Variants in ADCY5 observed in about 807,000 individuals in gnomAD.
ADCY5 encodes the protein adenylate cyclase 5.
A neutral mutation model predicts 119.7 loss-of-function variants in ADCY5; 30 were observed. The ratio of observed to expected loss-of-function variants is 0.25; its 90% CI spans 0.19 to 0.34. The LOEUF (loss-of-function observed/expected upper bound fraction) is 0.34. ADCY5 is among the 10% of genes least tolerant of loss of function. The pLI is 1.00. For missense variants in ADCY5, 1,324 were observed against 1,775.2 expected, an observed-to-expected ratio of 0.75 and a Z score of 4.57; for synonymous variants, 753 against 762.2, an observed-to-expected ratio of 0.99 and a Z score of 0.20.
Position 123,448,528 on chromosome 3 carries a change from G to C in ADCY5, c.18C>G (p.Ser6Arg), listed in dbSNP as rs1474680093. ...GCGCCGCGTAGCCCGGGGGGCTCAC[G>C]CTTTTGGAGCCGGACATCCCCCCCT... MSGSKSVSPPGYAAQK... is the reference protein window; with the variant it reads MSGSKRVSPPGYAAQK... Residue 6 changes from serine to arginine, a missense_variant, in exon 1 of 21, where the codon AGC (serine) becomes AGG (arginine). Around this residue, in one of 6 missense-constraint regions of ADCY5, gnomAD observed 585 missense variants for 569.9 expected, o/e 1.03. Transcript: ENST00000462833. 2.4e-6 allele frequency: 3 copies of C among 1,265,892 alleles called. No individual in the cohort carries two copies. 78.4% of individuals were successfully genotyped at this position (1,265,892 alleles called of 1,614,324 possible). A position where few individuals can be genotyped will look rare whatever the true frequency, so the allele number is the denominator to read the frequency against.
In ADCY5 at chr3:123,448,207, G is replaced by A. The variant is rs1050723826; in HGVS notation, c.339C>T (p.Arg113=). 1.3e-5 allele frequency: 16 copies of A among 1,275,312 alleles called. No individual in the cohort carries two copies. The highest frequency in any genetic ancestry group is 1.5e-5 in the Non-Finnish European group (15 of 1,013,358). The allele number at this position is 1,275,312 out of a possible 1,614,324, so 79.0% of individuals were successfully genotyped here. A position where few individuals can be genotyped will look rare whatever the true frequency, so the allele number is the denominator to read the frequency against. The stretch of plus-strand genomic sequence containing the variant: ...CGCCCCGCCGCTGCCGGCGGCTGCC[G>A]CGACCGCAGTCGTCGCCGCCGCGCT... The part of the protein sequence containing the change: ...WQERGGDDCG[R]GSRRQRRGAA... Residue 113 remains arginine (R), a synonymous_variant, in exon 1 of 21, where the codon CGC becomes CGT. Transcript: ENST00000462833.
chr3:123,445,452 A>G (rs1011314022), intron 1 of ADCY5, among the ~76,000 whole-genome samples: 1 of 150,492 alleles, frequency 6.6e-6, no homozygotes, highest in Non-Finnish European at 1.5e-5. Context: ...TTCACAAAAT[A>G]CCCTGAACTA....
At chr3:123,435,871 T>C (rs975825603) in intron 1 of ADCY5, among the ~76,000 whole-genome samples, 1 of 144,142 alleles carries the variant, frequency 6.9e-6, no homozygotes, top group African/African-American at 2.5e-5. Context: ...TTATTATTAT[T>C]ATTATTATTA....
intron 1 of ADCY5, chr3:123,416,054 C>A: frequency 1.0e-6 from 1 of 978,746 alleles, no homozygotes; most frequent in African/African-American, 1.6e-5. Context: ...GATAAAGTTC[C>A]CACCTAGGGT....
intron 3 of ADCY5, among the ~76,000 whole-genome samples, chr3:123,343,754 C>A (rs1942391171): frequency 6.6e-6 from 1 of 152,164 alleles, no homozygotes. Flanking sequence ...TCAGCTGCAG[C>A]AAGTGCTGGT....
chr3:123,344,237 G>T (rs536570952), intron 3 of ADCY5, among the ~76,000 whole-genome samples: 1 of 152,244 alleles, frequency 6.6e-6, no homozygotes, highest in South Asian at 2.1e-4. Flanking sequence ...GCTCTCAGTG[G>T]GGCTAGAGAA....
chr3:123,318,153 T>C, intron 10 of ADCY5, 36 bp from the exon 11 acceptor site: 1 of 1,543,318 alleles, frequency 6.5e-7, no homozygotes, highest in Non-Finnish European at 8.9e-7. Flanking sequence ...GGGGCCAAGG[T>C]ACCTGGCCCG....
intron 1 of ADCY5, among the ~76,000 whole-genome samples, chr3:123,439,241 T>A (rs1187345337): frequency 6.6e-6 from 1 of 151,772 alleles, no homozygotes; most frequent in Non-Finnish European, 1.5e-5. Context: ...ATTTTGTATT[T>A]TTAGTAGAGA....
At chr3:123,376,242 A>T (rs1943828953) in intron 1 of ADCY5, among the ~76,000 whole-genome samples, 1 of 147,358 alleles carries the variant, frequency 6.8e-6, no homozygotes, top group Non-Finnish European at 1.5e-5. Context: ...CATGCTCTCA[A>T]CAGCTTTTGG....
intron 14 of ADCY5, 106 bp from the exon 15 acceptor site, chr3:123,300,401 GGCA>G: frequency 7.8e-7 from 1 of 1,279,228 alleles, no homozygotes; most frequent in Non-Finnish European, 1.1e-6. Context: ...GCCTGGGCTG[GGCA>G]TGTTTCTGCT....
chr3:123,404,730 G>A (rs969214664), intron 1 of ADCY5, among the ~76,000 whole-genome samples: 6 of 152,224 alleles, frequency 3.9e-5, no homozygotes, highest in Non-Finnish European at 7.3e-5. Context: ...TTCAGCACTC[G>A]AGAATTTTTG....
At chr3:123,434,827 C>T (rs1945580227) in intron 1 of ADCY5, among the ~76,000 whole-genome samples, 1 of 152,124 alleles carries the variant, frequency 6.6e-6, no homozygotes, top group Admixed American at 6.5e-5. Flanking sequence ...ACCCATACAA[C>T]CACCCTAAAC....
chr3:123,410,644 TC>T (rs1945022064), intron 1 of ADCY5, among the ~76,000 whole-genome samples: 1 of 151,836 alleles, frequency 6.6e-6, no homozygotes, highest in African/African-American at 2.4e-5. Flanking sequence ...CACCATCACA[TC>T]CATTCTTTTT....
Position 123,308,009 on chromosome 3 carries a change from C to CT in ADCY5, c.2443-3827dup, listed in dbSNP as rs557860579. ...GCTACAAGCCAACTTCCTCCATGCTCTTTTTTTTTTTTCATGCTCTTTTTT... is the reference window on the plus strand; with the variant it reads ...GCTACAAGCCAACTTCCTCCATGCTCTTTTTTTTTTTTTCATGCTCTTTTTT... On this transcript the variant is annotated intron_variant, in intron 12 of 20. Transcript: ENST00000462833. 8.5e-3 allele frequency among the ~76,000 whole-genome samples: 994 copies of CT among 116,954 alleles called. 6 individuals are homozygous for CT. The highest frequency in any genetic ancestry group is 0.027 in the African/African-American group (881 of 32,236). The allele number at this position is 116,954 out of a possible 152,430, so 76.7% of individuals were successfully genotyped here. A position where few individuals can be genotyped will look rare whatever the true frequency, so the allele number is the denominator to read the frequency against.
chr3:123,425,674 C>T (rs893045287), intron 1 of ADCY5, among the ~76,000 whole-genome samples: 4 of 151,110 alleles, frequency 2.6e-5, no homozygotes, highest in Non-Finnish European at 5.9e-5. Flanking sequence ...CAGCTGCAGC[C>T]ACCCCCAGAT....
intron 1 of ADCY5, among the ~76,000 whole-genome samples, chr3:123,373,504 T>C (rs1413720090): frequency 6.6e-6 from 1 of 152,114 alleles, no homozygotes; most frequent in Non-Finnish European, 1.5e-5. Flanking sequence ...GGACAGATTC[T>C]CACGCCCCCA....
At chr3:123,317,210 T>C (rs188265013) in intron 11 of ADCY5, among the ~76,000 whole-genome samples, 1 of 152,354 alleles carries the variant, frequency 6.6e-6, no homozygotes, top group East Asian at 1.9e-4. Flanking sequence ...GCCATAGGCT[T>C]TGTCGGAGAC....
rs559316075 is a variant in ADCY5, at chr3:123,440,980, T to C, written c.1134+6432A>G. ...CTGGATGCCTCCCAATAAGTCTGCA[T>C]GTATGCACTGATTGTGCTTCTTTTA... On this transcript the variant is annotated intron_variant, in intron 1 of 20. Transcript: ENST00000462833. 6.6e-5 allele frequency among the ~76,000 whole-genome samples: 10 copies of C among 152,230 alleles called. 1 individual carries two copies. The highest frequency in any genetic ancestry group is 4.6e-4 in the Admixed American group (7 of 15,282).
At chr3:123,419,212 C>T (rs115720210) in intron 1 of ADCY5, 75 of 985,444 alleles carry the variant, frequency 7.6e-5, no homozygotes, top group South Asian at 6.6e-4. Context: ...ATGCATCTGA[C>T]GAGCACACAG....
Sources: allele counts gnomAD v4.1 joint callset (sites outside exome capture counted in the v4.1 genomes callset), GRCh38; gene constraint gnomAD v4.1.1; regional missense constraint gnomAD v4.1.1; transcripts MANE v1.5; gene names NCBI Gene and HGNC (gene_info 2026-07-23, HGNC 2026-07-21).